Variants in ARHGEF4 observed in about 807,000 individuals in gnomAD.
ARHGEF4 encodes APC-stimulated guanine nucleotide exchange factor 1.
ARHGEF4 carries 119 observed loss-of-function variants against 162.0 expected under a neutral mutation model. That is an observed-to-expected ratio of 0.73 (90% CI 0.63 to 0.86). ARHGEF4 has a LOEUF of 0.86. ARHGEF4 is among the 40% of genes least tolerant of loss of function. ARHGEF4 has a pLI of 0.00. For missense variants in ARHGEF4, 2,488 were observed against 2,456.0 expected, an observed-to-expected ratio of 1.01 and a Z score of -0.28; for synonymous variants, 1,014 against 979.9, an observed-to-expected ratio of 1.03 and a Z score of -0.65.
At chr2:130,927,338 A>G (rs903476921) in intron 2 of ARHGEF4, among the ~76,000 whole-genome samples, 6 of 152,126 alleles carry the variant, frequency 3.9e-5, no homozygotes, top group African/African-American at 1.4e-4. Context: ...GGCCTCACAC[A>G]TTGTCTTCAC....
At chr2:130,939,645 G>A (rs1236218355) in intron 3 of ARHGEF4, among the ~76,000 whole-genome samples, 2 of 152,252 alleles carry the variant, frequency 1.3e-5, no homozygotes, top group East Asian at 3.9e-4. Context: ...AGAATCTGAT[G>A]AGACTGCAGA....
At chr2:130,921,967 CAGGCATG>C (rs1681901189) in intron 2 of ARHGEF4, among the ~76,000 whole-genome samples, 1 of 151,730 alleles carries the variant, frequency 6.6e-6, no homozygotes, top group Non-Finnish European at 1.5e-5. Context: ...GCTGGGATTA[CAGGCATG>C]AGCCACTGCA....
chr2:131,041,111 C>T, intron 8 of ARHGEF4, 119 bp from the exon 9 acceptor site: 9 of 923,782 alleles, frequency 9.7e-6, no homozygotes, highest in Non-Finnish European at 1.5e-5. Flanking sequence ...CTGGGTCTCC[C>T]CTAGCCCCCA....
At chr2:131,043,309 C>A in intron 10 of ARHGEF4, 143 bp from the exon 11 acceptor site, 1 of 1,103,652 alleles carries the variant, frequency 9.1e-7, no homozygotes, top group Non-Finnish European at 1.3e-6. Flanking sequence ...GCCACCTCTT[C>A]CTCCCCCTCC....
rs370987820 is a variant in ARHGEF4, at chr2:131,030,566, C to T, written c.4125+2482C>T. 7.7e-4 allele frequency among the ~76,000 whole-genome samples: 118 copies of T among 152,346 alleles called. 3 individuals carry two copies. The South Asian group carries it at 0.013, about 17-fold the overall frequency. On this transcript the variant is annotated intron_variant, in intron 5 of 13. Coordinates refer to ENST00000409359, the MANE Select transcript of ARHGEF4 (RefSeq NM_001367493.1). ...GAAGTCAGGCAGAGGGAGCCCGTCT[C>T]CTGCGATGCTGCAGGCTGGTGCTGG...
chr2:130,969,614 A>T (rs893683747), intron 4 of ARHGEF4, among the ~76,000 whole-genome samples: 2 of 152,082 alleles, frequency 1.3e-5, no homozygotes, highest in African/African-American at 4.8e-5. Flanking sequence ...AAAAAAAATC[A>T]TATGTCAAAC....
At chr2:130,976,499 CG>C (rs1198324768) in intron 4 of ARHGEF4, among the ~76,000 whole-genome samples, 4 of 152,100 alleles carry the variant, frequency 2.6e-5, no homozygotes, top group Non-Finnish European at 5.9e-5. Flanking sequence ...GTTAGGCAGT[CG>C]GGAGGCCTTT....
At chr2:130,951,134 A>G (rs995895917) in intron 4 of ARHGEF4, among the ~76,000 whole-genome samples, 4 of 152,178 alleles carry the variant, frequency 2.6e-5, no homozygotes, top group Non-Finnish European at 5.9e-5. Flanking sequence ...GGCTGATTTG[A>G]TCTTCTATCT....
At chr2:130,986,234 T>C (rs1300321223) in intron 4 of ARHGEF4, among the ~76,000 whole-genome samples, 2 of 152,224 alleles carry the variant, frequency 1.3e-5, no homozygotes, top group Non-Finnish European at 2.9e-5. Flanking sequence ...GTGGTTTCAC[T>C]GCCTTTCTCT....
chr2:130,984,627 T>G (rs887883264), intron 4 of ARHGEF4, among the ~76,000 whole-genome samples: 3 of 150,770 alleles, frequency 2.0e-5, no homozygotes, highest in Non-Finnish European at 2.9e-5. Context: ...AGGCAGAGGT[T>G]GCAGTGAGAC....
At chr2:131,011,477 CAA>C (rs1688446004) in intron 4 of ARHGEF4, among the ~76,000 whole-genome samples, 1 of 152,160 alleles carries the variant, frequency 6.6e-6, no homozygotes, top group Non-Finnish European at 1.5e-5. Context: ...AAAAAAAATG[CAA>C]TTTCTGGGAA....
chr2:130,995,195 T>G (rs1341164598), intron 4 of ARHGEF4, among the ~76,000 whole-genome samples: 2 of 152,250 alleles, frequency 1.3e-5, no homozygotes, highest in East Asian at 3.8e-4. Flanking sequence ...GTGCAGCATC[T>G]CTCGCCTTCT....
intron 3 of ARHGEF4, among the ~76,000 whole-genome samples, chr2:130,936,104 A>T (rs1199566520): frequency 6.6e-6 from 1 of 152,086 alleles, no homozygotes; most frequent in Non-Finnish European, 1.5e-5. Context: ...TCTGTAAAAG[A>T]CTTATGGTCT....
chr2:131,036,321 G>T (rs1034425107), intron 5 of ARHGEF4, among the ~76,000 whole-genome samples: 1 of 152,226 alleles, frequency 6.6e-6, no homozygotes, highest in Non-Finnish European at 1.5e-5. Flanking sequence ...AGTACCTCCC[G>T]AGTGGGAGGC....
In ARHGEF4 at chr2:130,949,377, G is replaced by A. The variant is rs138964359; in HGVS notation, c.3985+2742G>A. 1.1e-3 allele frequency among the ~76,000 whole-genome samples: 164 copies of A among 151,862 alleles called. 1 individual carries two copies. In the East Asian group the frequency reaches 0.027, roughly 25 times the overall value. ...TATTTATTTATTTATTTTTTGAGACGGAGTCTCGCTCTGTCACCCAAGCTG... is the reference window on the plus strand; with the variant it reads ...TATTTATTTATTTATTTTTTGAGACAGAGTCTCGCTCTGTCACCCAAGCTG... On this transcript the variant is annotated intron_variant, in intron 4 of 13. Coordinates refer to ENST00000409359, the MANE Select transcript of ARHGEF4 (RefSeq NM_001367493.1).
intron 5 of ARHGEF4, among the ~76,000 whole-genome samples, chr2:131,038,138 C>T (rs1412502025): frequency 6.6e-6 from 1 of 152,182 alleles, no homozygotes; most frequent in African/African-American, 2.4e-5. Flanking sequence ...GCACTGTCTA[C>T]CTGGATGAAG....
At chr2:130,872,890 C>T (rs1678582069) in intron 1 of ARHGEF4, among the ~76,000 whole-genome samples, 1 of 152,178 alleles carries the variant, frequency 6.6e-6, no homozygotes, top group East Asian at 1.9e-4. Context: ...CTGAGCCCTG[C>T]CTGCAGCTGG....
rs926787021 is a variant in ARHGEF4 at position 130,949,309 on chromosome 2, C to T, written c.3985+2674C>T. ...TTTCCAAATTCATCTGCTCTTCTTT[C>T]GAGGTTTTCTGTTTGTTTGTTTGTT... On this transcript the variant is annotated intron_variant, in intron 4 of 13. Transcript: ENST00000409359. Among the ~76,000 whole-genome samples, 3 of 152,020 alleles carry T rather than the reference C, an allele frequency of 2.0e-5. No homozygotes were observed. The East Asian group carries it at 5.8e-4, about 29-fold the overall frequency.
At chr2:130,871,802 T>C (rs553419158) in intron 1 of ARHGEF4, among the ~76,000 whole-genome samples, 1 of 152,292 alleles carries the variant, frequency 6.6e-6, no homozygotes, top group South Asian at 2.1e-4. Flanking sequence ...CCCTCATTAA[T>C]GAAAAATCAA....
Sources: gnomAD v4.1 joint callset for allele counts (sites outside exome capture counted in the v4.1 genomes callset) on GRCh38, gnomAD v4.1.1 for gene constraint, MANE v1.5 for transcripts, NCBI Gene and HGNC (gene_info 2026-07-23, HGNC 2026-07-21) for gene names.